The following FRMD4A variants were observed in gnomAD, a reference collection of about 807,000 sequenced individuals.
FRMD4A encodes FERM domain-containing protein 4A.
A neutral mutation model predicts 129.1 loss-of-function variants in FRMD4A; 29 were observed. That is an observed-to-expected ratio of 0.22 (90% CI 0.17 to 0.31). FRMD4A has a LOEUF of 0.31. FRMD4A is among the 10% of genes least tolerant of loss of function. The pLI, the probability that FRMD4A is intolerant of heterozygous loss-of-function variation, is 1.00. For synonymous variants in FRMD4A, 634 were observed against 571.6 expected (o/e 1.11, Z -1.56); for missense variants, 1,272 against 1,375.8 (o/e 0.92, Z 1.19).
intron 2 of FRMD4A, among the ~76,000 whole-genome samples, chr10:14,163,352 A>G (rs1419655672): frequency 6.6e-6 from 1 of 152,240 alleles, no homozygotes; most frequent in Non-Finnish European, 1.5e-5. Flanking sequence ...TCATTAACGT[A>G]ATTCCCTTTG....
intron 15 of FRMD4A, among the ~76,000 whole-genome samples, chr10:13,690,728 C>T (rs531842754): frequency 2.5e-4 from 38 of 152,306 alleles, no homozygotes; most frequent in African/African-American, 8.7e-4. Context: ...CAATGGGAGC[C>T]GCTCTGCAAG....
In FRMD4A at chr10:14,211,171, T is replaced by C. The variant is rs537747423; in HGVS notation, c.45+118887A>G. On this transcript the variant is annotated intron_variant, in intron 2 of 24. Coordinates refer to ENST00000357447, the MANE Select transcript of FRMD4A (RefSeq NM_018027.5). ...TAAATTAATGTATAATGTTTGAGAA[T>C]ATAAACAACATTATTAGCTAATTTT... Among the ~76,000 whole-genome samples the C allele has an allele frequency of 1.8e-3, 270 of 152,362 alleles. 1 individual carries two copies. Among genetic ancestry groups the C allele is most frequent in the African/African-American group, 6.3e-3 (260 of 41,588 alleles).
At chr10:13,679,979 C>T (rs537169644) in intron 15 of FRMD4A, among the ~76,000 whole-genome samples, 8 of 152,302 alleles carry the variant, frequency 5.3e-5, no homozygotes, top group African/African-American at 1.9e-4. Context: ...CAAATGCCCA[C>T]TAGGCATCCA....
At chr10:13,774,538 C>T (rs2092549063) in intron 6 of FRMD4A, among the ~76,000 whole-genome samples, 1 of 152,134 alleles carries the variant, frequency 6.6e-6, no homozygotes, top group African/African-American at 2.4e-5. Context: ...TGTGGGAGGA[C>T]ATGTCCCAGG....
rs1011009472 is a variant in FRMD4A, at chr10:13,971,619, T to C, written c.46-112707A>G. The C allele has an allele frequency of 9.1e-6, 11 of 1,203,706 alleles. No individual in the cohort carries two copies. The Admixed American group carries it at 2.3e-4, about 25-fold the overall frequency. The allele number at this position is 1,203,706 out of a possible 1,614,324, so 74.6% of individuals were successfully genotyped here. A position where few individuals can be genotyped will look rare whatever the true frequency, so the allele number is the denominator to read the frequency against. ...TCCACCATTCACCACCACTTTCCCATGCTTCAAAGAAACGAAAGAGGAGCT... is the reference window on the plus strand; with the variant it reads ...TCCACCATTCACCACCACTTTCCCACGCTTCAAAGAAACGAAAGAGGAGCT... On this transcript the variant is annotated intron_variant, in intron 2 of 24. Transcript: ENST00000357447.
chr10:14,104,243 A>C (rs1288057583), intron 2 of FRMD4A, among the ~76,000 whole-genome samples: 2 of 151,822 alleles, frequency 1.3e-5, no homozygotes, highest in Non-Finnish European at 2.9e-5. Context: ...ACTGCCATCG[A>C]GTTTACACTG....
chr10:14,100,556 T>A (rs557468423), intron 2 of FRMD4A, among the ~76,000 whole-genome samples: 2 of 152,168 alleles, frequency 1.3e-5, no homozygotes, highest in African/African-American at 4.8e-5. Context: ...CCTTTCCATA[T>A]GCAGTTACAG....
At chr10:14,302,408 A>C (rs775662561) in intron 2 of FRMD4A, among the ~76,000 whole-genome samples, 14 of 152,334 alleles carry the variant, frequency 9.2e-5, no homozygotes, top group South Asian at 2.1e-4. Flanking sequence ...TATTAAAGGA[A>C]CTTTGTTCAA....
At chr10:13,802,470 G>A (rs2093275678) in intron 4 of FRMD4A, among the ~76,000 whole-genome samples, 2 of 152,090 alleles carry the variant, frequency 1.3e-5, no homozygotes, top group Admixed American at 6.6e-5. Flanking sequence ...TATCTATTTA[G>A]AGACAGGGTC....
intron 2 of FRMD4A, among the ~76,000 whole-genome samples, chr10:14,085,962 C>T (rs997056250): frequency 6.6e-6 from 1 of 152,098 alleles, no homozygotes; most frequent in African/African-American, 2.4e-5. Flanking sequence ...TTGCAAAATC[C>T]TCTGTCTTCC....
intron 3 of FRMD4A, among the ~76,000 whole-genome samples, chr10:13,840,761 G>A (rs543365197): frequency 6.2e-5 from 8 of 129,546 alleles, no homozygotes; most frequent in South Asian, 5.2e-4. Flanking sequence ...GCACTCCAGT[G>A]TGGGCAAAAA....
chr10:13,809,087 C>T (rs569573836), intron 4 of FRMD4A, among the ~76,000 whole-genome samples: 2 of 152,340 alleles, frequency 1.3e-5, no homozygotes, highest in South Asian at 4.1e-4. Context: ...GGAAGCTGAA[C>T]TTGGGTGTGT....
chr10:13,670,349 C>A, intron 17 of FRMD4A, 57 bp downstream of exon 17: 1 of 1,578,662 alleles, frequency 6.3e-7, no homozygotes, highest in South Asian at 1.1e-5. Flanking sequence ...AAGGCCTGAC[C>A]AATGGGAAAA....
At chr10:14,192,791 A>T (rs1186992638) in intron 2 of FRMD4A, among the ~76,000 whole-genome samples, 1 of 152,226 alleles carries the variant, frequency 6.6e-6, no homozygotes, top group Non-Finnish European at 1.5e-5. Flanking sequence ...AACGTAATGA[A>T]TTCCTTCAAA....
At chr10:14,140,019 G>A (rs557256343) in intron 2 of FRMD4A, among the ~76,000 whole-genome samples, 3 of 152,220 alleles carry the variant, frequency 2.0e-5, no homozygotes, top group Admixed American at 1.3e-4. Flanking sequence ...CTAAATTCAA[G>A]TCTCTAGGAT....
intron 2 of FRMD4A, among the ~76,000 whole-genome samples, chr10:13,896,900 C>G (rs190002232): frequency 7.7e-4 from 118 of 152,320 alleles, no homozygotes; most frequent in South Asian, 2.5e-3. Context: ...AGAATTCAGT[C>G]AGCTACTTGC....
intron 15 of FRMD4A, among the ~76,000 whole-genome samples, chr10:13,687,100 G>A (rs547472284): frequency 7.2e-5 from 11 of 152,102 alleles, no homozygotes; most frequent in Non-Finnish European, 1.6e-4. Flanking sequence ...AGACCATCCT[G>A]GCCAACATCA....
chr10:14,156,965 T>C (rs148318392), intron 2 of FRMD4A, among the ~76,000 whole-genome samples: 1,669 of 152,324 alleles, frequency 0.011, 41 homozygotes, highest in African/African-American at 0.038. Flanking sequence ...TACACCCTTG[T>C]TTAAAGCAGT....
intron 2 of FRMD4A, among the ~76,000 whole-genome samples, chr10:13,923,135 T>A (rs575361350): frequency 1.3e-5 from 2 of 152,328 alleles, no homozygotes; most frequent in South Asian, 4.1e-4. Flanking sequence ...GGATGGTCTG[T>A]ATCGAGTGAG....
Sources: gnomAD v4.1 joint callset for allele counts (sites outside exome capture counted in the v4.1 genomes callset) on GRCh38, gnomAD v4.1.1 for gene constraint, MANE v1.5 for transcripts, NCBI Gene and HGNC (gene_info 2026-07-23, HGNC 2026-07-21) for gene names.